The following ASTN2 variants were observed in gnomAD, a reference collection of about 807,000 sequenced individuals.
ASTN2 encodes astrotactin 2.
In ASTN2, 54 loss-of-function variants were observed where a neutral mutation model predicts 139.8. The observed-to-expected ratio is 0.39, with a 90% CI of 0.31 to 0.48. The LOEUF (loss-of-function observed/expected upper bound fraction) is 0.48, where lower values mean the gene tolerates loss of function less well. Ranked by LOEUF, ASTN2 falls within the 20% of genes least tolerant of loss-of-function variation. The probability of loss-of-function intolerance (pLI) is 0.95; values close to 1 mark genes in which losing one functional copy is unlikely to be tolerated. For missense variants in ASTN2, 1,565 were observed against 1,725.1 expected (o/e 0.91, Z 1.64); for synonymous variants, 756 against 719.5 (o/e 1.05, Z -0.81).
chr9:116,736,026 C>T (rs1828916898), intron 13 of ASTN2, among the ~76,000 whole-genome samples: 1 of 152,190 alleles, frequency 6.6e-6, no homozygotes. Flanking sequence ...CATTTACATT[C>T]CCCATTCAGA....
intron 19 of ASTN2, chr9:116,562,083 A>C (rs1459193589): frequency 6.6e-6 from 1 of 152,208 alleles, no homozygotes; most frequent in Non-Finnish European, 1.5e-5. Flanking sequence ...GGTTAAACCA[A>C]AGAACAGTCC....
At chr9:116,920,304 C>T (rs941526216) in intron 10 of ASTN2, among the ~76,000 whole-genome samples, 2 of 152,250 alleles carry the variant, frequency 1.3e-5, no homozygotes, top group African/African-American at 2.4e-5. Flanking sequence ...TACATAGAGG[C>T]CCTAAATAAT....
At chr9:116,785,323 C>T (rs904082061) in intron 13 of ASTN2, among the ~76,000 whole-genome samples, 4 of 152,262 alleles carry the variant, frequency 2.6e-5, no homozygotes, top group African/African-American at 7.2e-5. Context: ...CATTTCTTTT[C>T]TGTCATCTAC....
At chr9:116,455,040 T>G (rs1020225636) in intron 20 of ASTN2, among the ~76,000 whole-genome samples, 1 of 137,428 alleles carries the variant, frequency 7.3e-6, no homozygotes, top group Admixed American at 7.3e-5. Context: ...AGTATAATAA[T>G]AAAAAAAAAA....
chr9:117,080,551 G>A (rs1828400024), intron 5 of ASTN2, among the ~76,000 whole-genome samples: 1 of 152,118 alleles, frequency 6.6e-6, no homozygotes, highest in African/African-American at 2.4e-5. Context: ...GAAAGAGTGT[G>A]CAGGAAATGG....
chr9:116,674,710 C>T (rs1859399490), intron 16 of ASTN2, among the ~76,000 whole-genome samples: 1 of 152,144 alleles, frequency 6.6e-6, no homozygotes, highest in African/African-American at 2.4e-5. Context: ...TTTCTCCAAC[C>T]ACCCTGACCA....
At chr9:117,180,043 C>T (rs1046531752) in intron 3 of ASTN2, among the ~76,000 whole-genome samples, 6 of 152,174 alleles carry the variant, frequency 3.9e-5, no homozygotes, top group African/African-American at 9.7e-5. Flanking sequence ...TGCAGGGAGG[C>T]CCATTTCCAG....
intron 3 of ASTN2, among the ~76,000 whole-genome samples, chr9:117,142,343 G>A (rs565587138): frequency 6.6e-6 from 1 of 152,348 alleles, no homozygotes; most frequent in South Asian, 2.1e-4. Context: ...TTTGGAAGTA[G>A]CCAGTCAAAG....
Position 117,060,476 on chromosome 9 carries a change from G to A in ASTN2, c.1277-20511C>T, listed in dbSNP as rs1259821719. 3.7e-3 allele frequency among the ~76,000 whole-genome samples: 331 copies of A among 89,078 alleles called. 25 individuals carry two copies. The highest frequency in any genetic ancestry group is 0.024 in the East Asian group (67 of 2,754). The allele number at this position is 89,078 out of a possible 152,430, so 58.4% of individuals were successfully genotyped here. A position where few individuals can be genotyped will look rare whatever the true frequency, so the allele number is the denominator to read the frequency against. The stretch of plus-strand genomic sequence containing the variant: ...AGAAAGAAAGGAAGGAAGGAAGGAA[G>A]GAAGGAAGGAATGAAAGAAAGAAAG... On this transcript the variant is annotated intron_variant, in intron 5 of 22. Coordinates refer to ENST00000313400, the MANE Select transcript of ASTN2 (RefSeq NM_001365068.1).
intron 19 of ASTN2, among the ~76,000 whole-genome samples, chr9:116,593,408 C>T (rs1022439463): frequency 2.0e-5 from 3 of 152,158 alleles, no homozygotes; most frequent in Admixed American, 2.0e-4. Flanking sequence ...AATGCTAATG[C>T]CATTCTCCAC....
chr9:116,984,191 T>C (rs559581928), intron 7 of ASTN2, among the ~76,000 whole-genome samples: 1 of 152,302 alleles, frequency 6.6e-6, no homozygotes, highest in South Asian at 2.1e-4. Context: ...TATTCCCATC[T>C]CTCTTCTCTG....
intron 1 of ASTN2, among the ~76,000 whole-genome samples, chr9:117,394,780 A>G (rs1436382265): frequency 1.3e-5 from 2 of 152,164 alleles, no homozygotes; most frequent in Non-Finnish European, 2.9e-5. Flanking sequence ...AGAGACAAGC[A>G]ATAGAGGCGG....
At chr9:117,110,432 T>C (rs1446344920) in intron 4 of ASTN2, among the ~76,000 whole-genome samples, 1 of 152,188 alleles carries the variant, frequency 6.6e-6, no homozygotes, top group South Asian at 2.1e-4. Context: ...TGGTTAATGA[T>C]GTTAGAATAT....
intron 4 of ASTN2, among the ~76,000 whole-genome samples, chr9:117,126,822 T>C (rs765883475): frequency 1.8e-4 from 27 of 152,200 alleles, no homozygotes; most frequent in Non-Finnish European, 3.2e-4. Context: ...TTGAGTTACA[T>C]AGAAGTGAGG....
intron 16 of ASTN2, among the ~76,000 whole-genome samples, chr9:116,704,426 G>A (rs1480949967): frequency 2.0e-5 from 3 of 152,136 alleles, no homozygotes; most frequent in Non-Finnish European, 4.4e-5. Flanking sequence ...CTTAGCTGTT[G>A]TCACCCTGCT....
chr9:117,008,679 T>G (rs1040691097), intron 6 of ASTN2, among the ~76,000 whole-genome samples: 1 of 152,136 alleles, frequency 6.6e-6, no homozygotes, highest in Admixed American at 6.5e-5. Flanking sequence ...CCTGACTTAT[T>G]ATAGGAAATA....
intron 17 of ASTN2, among the ~76,000 whole-genome samples, chr9:116,632,200 GAAAGAAA>G (rs1564169015): frequency 3.1e-5 from 1 of 32,286 alleles, no homozygotes; most frequent in Non-Finnish European, 5.8e-5. Context: ...GAGAGAGAAA[GAAAGAAA>G]AGAAAGAAAG....
intron 5 of ASTN2, among the ~76,000 whole-genome samples, chr9:117,055,231 T>C (rs1382854573): frequency 1.3e-5 from 2 of 152,204 alleles, no homozygotes; most frequent in Non-Finnish European, 2.9e-5. Context: ...AAAATGTAAG[T>C]AAGTACCTAA....
chr9:116,549,438 A>G (rs1485514187), intron 19 of ASTN2, among the ~76,000 whole-genome samples: 2 of 152,170 alleles, frequency 1.3e-5, no homozygotes, highest in South Asian at 2.1e-4. Context: ...GTATTTGGCA[A>G]TTGCAACCCG....
Sources: gnomAD v4.1 joint callset for allele counts (sites outside exome capture counted in the v4.1 genomes callset) on GRCh38, gnomAD v4.1.1 for gene constraint, MANE v1.5 for transcripts, NCBI Gene and HGNC (gene_info 2026-07-23, HGNC 2026-07-21) for gene names.